Variants in IGHMBP2 observed in about 807,000 individuals in gnomAD.
IGHMBP2 encodes the protein DNA-binding protein SMUBP-2.
In IGHMBP2, 81 loss-of-function variants were observed where a neutral mutation model predicts 96.0. The ratio of observed to expected loss-of-function variants is 0.84; its 90% CI spans 0.71 to 1.01. IGHMBP2 has a LOEUF of 1.01. Ranked by LOEUF, IGHMBP2 falls within the 50% of genes least tolerant of loss-of-function variation. IGHMBP2 has a pLI of 0.00. For synonymous variants in IGHMBP2, 557 were observed against 548.9 expected (o/e 1.01, Z -0.21); for missense variants, 1,227 against 1,306.3 (o/e 0.94, Z 0.94).
intron 6 of IGHMBP2, 142 bp downstream of exon 6, chr11:68,915,165 CCTTTTTTTTT>C: frequency 7.5e-6 from 2 of 265,076 alleles, no homozygotes; most frequent in Admixed American, 6.2e-5. Flanking sequence ...ATTGGGCTGC[CCTTTTTTTTT>C]TTTTTTTTTT....
chr11:68,916,069 GA>G (rs1858655455), intron 6 of IGHMBP2, among the ~76,000 whole-genome samples: 2 of 149,558 alleles, frequency 1.3e-5, no homozygotes. Flanking sequence ...AGCCACTTGG[GA>G]GGCTGAGGCA....
Position 68,908,145 on chromosome 11 carries a change from G to A in IGHMBP2, c.257G>A (p.Gly86Asp), listed in dbSNP as rs1594417834. 1.9e-6 allele frequency: 3 copies of A among 1,613,554 alleles called. No homozygotes were observed. The highest frequency in any genetic ancestry group is 2.5e-6 in the Non-Finnish European group (3 of 1,179,708). ...TGTCACTGAGTCTTTGTTTTTGCAG[G>A]TGATATCGTGGGCCTGTACGATGCT... is the stretch of plus-strand genomic sequence containing the variant. Reference protein sequence around the residue: ...AALPSNSFTSGDIVGLYDAAN... With the variant: ...AALPSNSFTSDDIVGLYDAAN... Residue 86 changes from glycine to aspartate, a missense_variant and splice_region_variant, in exon 3 of 15, where the codon GGT becomes GAT. This residue lies in a region of IGHMBP2 where 507 missense variants were observed against 496.9 expected (regional missense o/e 1.02). Transcript: ENST00000255078.
intron 7 of IGHMBP2, among the ~76,000 whole-genome samples, chr11:68,926,758 T>G (rs1374065269): frequency 6.6e-6 from 1 of 152,128 alleles, no homozygotes; most frequent in Non-Finnish European, 1.5e-5. Flanking sequence ...GTATCCAGTT[T>G]ATTTATTTAT....
intron 7 of IGHMBP2, among the ~76,000 whole-genome samples, chr11:68,918,528 G>A (rs1858757895): frequency 6.6e-6 from 1 of 152,072 alleles, no homozygotes; most frequent in Admixed American, 6.6e-5. Flanking sequence ...TGTAATTCCA[G>A]CTACTTGGGA....
chr11:68,928,694 G>A (rs1859160379), intron 7 of IGHMBP2, among the ~76,000 whole-genome samples: 1 of 152,198 alleles, frequency 6.6e-6, no homozygotes, highest in Admixed American at 6.5e-5. Context: ...CTTGCTCACA[G>A]CCTGAACGCT....
intron 4 of IGHMBP2, among the ~76,000 whole-genome samples, chr11:68,909,184 G>GC (rs1566425584): frequency 3.2e-4 from 29 of 90,908 alleles, no homozygotes; most frequent in African/African-American, 1.1e-3. Context: ...GGCGGGGGGG[G>GC]TGGAGGGGGG....
chr11:68,926,047 C>T (rs990523134), intron 7 of IGHMBP2: 2 of 152,094 alleles, frequency 1.3e-5, no homozygotes, highest in African/African-American at 4.8e-5. Context: ...CTACTCTCGT[C>T]TCCATCTACA....
At position 68,906,289 on chromosome 11, in the gene IGHMBP2, C is replaced by T. The variant is rs377313089; in HGVS notation, c.256+51C>T. The T allele has an allele frequency of 3.2e-5, 51 of 1,576,606 alleles. No individual in the cohort carries two copies. The African/African-American group carries it at 4.3e-4, about 13-fold the overall frequency. On this transcript the variant is annotated intron_variant, in intron 2 of 14. Coordinates refer to ENST00000255078, the MANE Select transcript of IGHMBP2 (RefSeq NM_002180.3). ...CATTGAAATTTACTGGCATTCAGACCGTGACTTGTACCCTCGTAAAGACTG... is the reference window on the plus strand; with the variant it reads ...CATTGAAATTTACTGGCATTCAGACTGTGACTTGTACCCTCGTAAAGACTG...
At chr11:68,917,673 A>G in intron 6 of IGHMBP2, 63 bp from the exon 7 acceptor site, 1 of 1,320,546 alleles carries the variant, frequency 7.6e-7, no homozygotes, top group South Asian at 1.2e-5. Flanking sequence ...CACTTCATAA[A>G]TAGAGTTGAA....
At chr11:68,928,026 T>C (rs1190387848) in intron 7 of IGHMBP2, among the ~76,000 whole-genome samples, 1 of 152,104 alleles carries the variant, frequency 6.6e-6, no homozygotes, top group Admixed American at 6.5e-5. Context: ...CTTTGGCGAG[T>C]TTCCAGAGTT....
rs376796253 is a variant in IGHMBP2 at position 68,922,518 on chromosome 11, C to G, written c.1060+4635C>G. 1.5e-4 allele frequency among the ~76,000 whole-genome samples: 23 copies of G among 151,926 alleles called. No homozygotes were observed. In the East Asian group the frequency reaches 2.0e-3, roughly 13 times the overall value. On this transcript the variant is annotated intron_variant, in intron 7 of 14. Transcript: ENST00000255078. ...TCAAGCGATTCTTCTGTCTCAGCCT[C>G]TGGAATAGCTGGGAGTACAGATGCA...
In IGHMBP2 at chr11:68,905,983, A is replaced by G. The variant is rs1210834027; in HGVS notation, c.87-86A>G. ...AGTGCCTGTGAGTAGATCTTTATCT[A>G]TGTTTCTTTCTCTTTTACTTTTCCT... On this transcript the variant is annotated intron_variant, in intron 1 of 14. Coordinates refer to ENST00000255078, the MANE Select transcript of IGHMBP2 (RefSeq NM_002180.3). The G allele has an allele frequency of 5.3e-6, 7 of 1,327,206 alleles. No individual in the cohort carries two copies. The East Asian group carries it at 6.9e-5, about 13-fold the overall frequency. 82.2% of individuals were successfully genotyped at this position (1,327,206 alleles called of 1,614,324 possible). A position where few individuals can be genotyped will look rare whatever the true frequency, so the allele number is the denominator to read the frequency against.
intron 7 of IGHMBP2, 81 bp downstream of exon 7, chr11:68,917,964 T>C (rs944022576): frequency 6.8e-7 from 1 of 1,481,120 alleles, no homozygotes; most frequent in African/African-American, 1.4e-5. Flanking sequence ...TCTGGAAGAG[T>C]TTGTTTAGAA....
chr11:68,911,387 AC>A, intron 4 of IGHMBP2, 52 bp from the exon 5 acceptor site: 2 of 1,588,540 alleles, frequency 1.3e-6, no homozygotes, highest in South Asian at 2.2e-5. Flanking sequence ...GAGGAGGAAC[AC>A]CCACAGAGCT....
In IGHMBP2 at chr11:68,914,850, G is replaced by A. The variant is rs774700020; in HGVS notation, c.739G>A (p.Ala247Thr). 19 of 1,614,082 alleles carry A rather than the reference G, an allele frequency of 1.2e-5. No homozygotes were observed. The highest frequency in any genetic ancestry group is 6.7e-5 in the East Asian group (3 of 44,894). ...TCTGTGCTGCGCCCCCTCCAACATC[G>A]CCGTGGACAATCTGGTGGAGCGCCT... is the stretch of plus-strand genomic sequence containing the variant. ...KVLCCAPSNI[A>T]VDNLVERLAL... is the part of the protein sequence containing the mutation. The change falls in exon 6 of 15, where the codon GCC (alanine) becomes ACC (threonine). Residue 247 changes from alanine to threonine, a missense_variant. Ala to Thr is a moderately conservative substitution (Grantham distance 58). This residue lies in a region of IGHMBP2 where 507 missense variants were observed against 496.9 expected (regional missense o/e 1.02). Coordinates refer to ENST00000255078, the MANE Select transcript of IGHMBP2 (RefSeq NM_002180.3).
chr11:68,907,737 T>C (rs1006950243), intron 2 of IGHMBP2, among the ~76,000 whole-genome samples: 2 of 152,132 alleles, frequency 1.3e-5, no homozygotes, highest in Non-Finnish European at 2.9e-5. Flanking sequence ...ATTTTTTTTT[T>C]CTGAGATGGA....
At position 68,936,771 on chromosome 11, in the gene IGHMBP2, A is replaced by G. The variant is rs1859551518; in HGVS notation, c.2291A>G (p.Glu764Gly). ...DRLRVHQIAEEHGLRHDSSGE... is the reference protein window; with the variant it reads ...DRLRVHQIAEGHGLRHDSSGE... ...CTGCGGGTCCACCAAATAGCCGAGG[A>G]GCACGGGCTGAGGCACGACAGTTCC... Residue 764 changes from glutamate (E) to glycine (G), a missense_variant, in exon 13 of 15, where the codon GAG (glutamate) becomes GGG (glycine). Physicochemically the swap from Glu to Gly is moderately conservative, Grantham distance 98. This residue lies in a region of IGHMBP2 where 703 missense variants were observed against 770.3 expected (regional missense o/e 0.91). Coordinates refer to ENST00000255078, the MANE Select transcript of IGHMBP2 (RefSeq NM_002180.3). 6.2e-7 allele frequency: 1 copy of G among 1,614,054 alleles called. No homozygotes were observed. Among genetic ancestry groups the G allele is most frequent in the Non-Finnish European group, 8.5e-7 (1 of 1,180,042 alleles).
chr11:68,928,511 T>G (rs1859153634), intron 7 of IGHMBP2, among the ~76,000 whole-genome samples: 1 of 152,246 alleles, frequency 6.6e-6, no homozygotes, highest in Non-Finnish European at 1.5e-5. Flanking sequence ...TTGATCACAT[T>G]TATGGAAACC....
intron 5 of IGHMBP2, among the ~76,000 whole-genome samples, chr11:68,913,668 T>A (rs1362489320): frequency 6.6e-6 from 1 of 151,838 alleles, no homozygotes; most frequent in Non-Finnish European, 1.5e-5. Context: ...TCTGTTATCC[T>A]AGCGCTTTGG....
Sources: allele counts gnomAD v4.1 joint callset (sites outside exome capture counted in the v4.1 genomes callset), GRCh38; gene constraint gnomAD v4.1.1; regional missense constraint gnomAD v4.1.1; transcripts MANE v1.5; gene names NCBI Gene and HGNC (gene_info 2026-07-23, HGNC 2026-07-21).